Variants in ANAPC16 observed in about 807,000 individuals in gnomAD.
ANAPC16 encodes anaphase promoting complex subunit 16.
Under a neutral mutation model 13.1 loss-of-function variants are expected in ANAPC16, and 6 were observed. The observed-to-expected ratio is 0.46, with a 90% CI of 0.25 to 0.90. The LOEUF (loss-of-function observed/expected upper bound fraction) is 0.90, where lower values mean the gene tolerates loss of function less well. Ranked by LOEUF, ANAPC16 falls within the 40% of genes least tolerant of loss-of-function variation. ANAPC16 has a pLI of 0.18. For missense variants in ANAPC16, 113 were observed against 131.1 expected (o/e 0.86, Z 0.67); for synonymous variants, 55 against 51.3 (o/e 1.07, Z -0.31).
chr10:72,218,870 C>T (rs1400494292), intron 1 of ANAPC16, among the ~76,000 whole-genome samples: 1 of 152,078 alleles, frequency 6.6e-6, no homozygotes, highest in Non-Finnish European at 1.5e-5. Context: ...AGTTTTCAAC[C>T]CTGGCTGTTT....
Position 72,230,421 on chromosome 10 carries a change from G to A in ANAPC16, c.198G>A (p.Thr66=), listed in dbSNP as rs772606159. Residue 66 remains threonine, a synonymous_variant, in exon 3 of 4, where the codon ACG becomes ACA. Transcript: ENST00000299381. ...TTTTTAGCTATCAAGTGGCATCCACGCTTAAACAGGTGAAACATGGTAAGC... is the reference window on the plus strand; with the variant it reads ...TTTTTAGCTATCAAGTGGCATCCACACTTAAACAGGTGAAACATGGTAAGC... The part of the protein sequence containing the change: ...ESVFSYQVAS[T]LKQVKHDQQV... 8.7e-6 allele frequency: 14 copies of A among 1,613,836 alleles called. No homozygotes were observed. The highest frequency in any genetic ancestry group is 2.2e-5 in the South Asian group (2 of 91,094).
chr10:72,224,694 C>T (rs1046469326), intron 2 of ANAPC16, among the ~76,000 whole-genome samples: 3 of 151,420 alleles, frequency 2.0e-5, no homozygotes, highest in Non-Finnish European at 4.4e-5. Flanking sequence ...ATCCTGGCAC[C>T]TGTCTACCTC....
At chr10:72,219,265 C>T (rs1384830384) in intron 1 of ANAPC16, among the ~76,000 whole-genome samples, 2 of 152,120 alleles carry the variant, frequency 1.3e-5, no homozygotes, top group Non-Finnish European at 2.9e-5. Context: ...GGACCTGGTC[C>T]CTTACTGCTT....
rs927576818 is a variant in ANAPC16 at position 72,233,828 on chromosome 10, A to T, written c.*712A>T. Reference sequence around the variant, plus strand: ...AAATAAATCCTTTGAAAGAGCTCCAAATTGGTGGCATTATCCTTTCAAAAT... The same window carrying T: ...AAATAAATCCTTTGAAAGAGCTCCATATTGGTGGCATTATCCTTTCAAAAT... On this transcript the variant is annotated 3_prime_UTR_variant, in exon 4 of 4. Transcript: ENST00000299381. 1 of 152,592 alleles carries T rather than the reference A, an allele frequency of 6.6e-6. No individual in the cohort carries two copies. The highest frequency in any genetic ancestry group is 2.4e-5 in the African/African-American group (1 of 41,430). 9.5% of individuals were successfully genotyped at this position (152,592 alleles called of 1,614,324 possible). A position where few individuals can be genotyped will look rare whatever the true frequency, so the allele number is the denominator to read the frequency against.
chr10:72,229,400 G>A (rs975636845), intron 2 of ANAPC16, among the ~76,000 whole-genome samples: 1 of 151,554 alleles, frequency 6.6e-6, no homozygotes, highest in Non-Finnish European at 1.5e-5. Flanking sequence ...GCCAGAATGT[G>A]TTAGTCCTGT....
intron 1 of ANAPC16, 108 bp downstream of exon 1, chr10:72,216,246 C>G (rs1859284327): frequency 6.4e-6 from 1 of 157,348 alleles, no homozygotes; most frequent in African/African-American, 2.4e-5. Context: ...GGAGGAGAAA[C>G]AGGAGACTGC....
chr10:72,232,361 A>G (rs1346032092), intron 3 of ANAPC16, among the ~76,000 whole-genome samples: 1 of 151,730 alleles, frequency 6.6e-6, no homozygotes, highest in Non-Finnish European at 1.5e-5. Context: ...CCTGGCCAAC[A>G]TGGTGAAACC....
chr10:72,227,456 A>G (rs1339184565), intron 2 of ANAPC16, among the ~76,000 whole-genome samples: 1 of 151,194 alleles, frequency 6.6e-6, no homozygotes, highest in Non-Finnish European at 1.5e-5. Context: ...AGTTTTACCA[A>G]TAATCTTAAA....
Position 72,232,994 on chromosome 10 carries a change from C to T in ANAPC16, c.218-7C>T. 6.2e-7 allele frequency: 1 copy of T among 1,612,822 alleles called. No homozygotes were observed. On this transcript the variant is annotated splice_region_variant and splice_polypyrimidine_tract_variant and intron_variant, in intron 3 of 3. Transcript: ENST00000299381. ...TTGCATAATATTCTTTCCTTGACTC[C>T]TTACAGATCAGCAAGTTGCTCGGAT...
intron 1 of ANAPC16, chr10:72,217,089 T>G (rs757035710): frequency 7.5e-5 from 34 of 453,910 alleles, no homozygotes; most frequent in South Asian, 4.3e-4. Context: ...GGAAGCACAG[T>G]GGAAACACTG....
chr10:72,216,453 C>A (rs73276916), intron 1 of ANAPC16: 5,668 of 78,360 alleles, frequency 0.072, 682 homozygotes, highest in African/African-American at 0.24. Flanking sequence ...GCCACTTTTT[C>A]TCCACGCCCA....
At chr10:72,229,373 G>A (rs1186053106) in intron 2 of ANAPC16, among the ~76,000 whole-genome samples, 2 of 150,134 alleles carry the variant, frequency 1.3e-5, no homozygotes, top group Admixed American at 6.7e-5. Flanking sequence ...TTTCCTTTGT[G>A]TGAAACTCAG....
chr10:72,218,159 AAAAAAAATATATATATATATATATATAT>A lies in ANAPC16; in HGVS notation c.-28+2023_-28+2050del, dbSNP rs1413351357. 2.2e-3 allele frequency among the ~76,000 whole-genome samples: 100 copies of A among 45,846 alleles called. 5 individuals carry two copies. The highest frequency in any genetic ancestry group is 6.7e-3 in the African/African-American group (70 of 10,464). 30.1% of individuals were successfully genotyped at this position (45,846 alleles called of 152,430 possible). Reference sequence around the variant, plus strand: ...AAACTCTGTCTCAAAAAAAAAAAAAAAAAAAAATATATATATATATATATATATATATATATATATATATATATATATA... The same window carrying A: ...AAACTCTGTCTCAAAAAAAAAAAAAAATATATATATATATATATATATATA... On this transcript the variant is annotated intron_variant, in intron 1 of 3. Coordinates refer to ENST00000299381, the MANE Select transcript of ANAPC16 (RefSeq NM_173473.4).
chr10:72,218,679 C>A (rs965928176), intron 1 of ANAPC16, among the ~76,000 whole-genome samples: 1 of 152,174 alleles, frequency 6.6e-6, no homozygotes, highest in African/African-American at 2.4e-5. Flanking sequence ...TCAGTTAATT[C>A]CTGCCCTGAG....
chr10:72,221,779 G>C (rs1859945327), intron 1 of ANAPC16, among the ~76,000 whole-genome samples: 1 of 147,892 alleles, frequency 6.8e-6, no homozygotes, highest in African/African-American at 2.5e-5. Flanking sequence ...GCCCAGGCTG[G>C]AGTGCAATGG....
chr10:72,220,737 A>T (rs1859897998), intron 1 of ANAPC16: 1 of 150,292 alleles, frequency 6.7e-6, no homozygotes, highest in South Asian at 2.1e-4. Flanking sequence ...AAAAAACCCG[A>T]AAGAAAAATA....
chr10:72,222,803 A>G (rs1307860828), intron 1 of ANAPC16, among the ~76,000 whole-genome samples: 1 of 152,228 alleles, frequency 6.6e-6, no homozygotes, highest in Non-Finnish European at 1.5e-5. Context: ...GAAAGAAAGA[A>G]AATACCATAT....
rs1423541048 is a variant in ANAPC16, at chr10:72,233,970, A to G, written c.*854A>G. 6.6e-6 allele frequency: 1 copy of G among 152,098 alleles called. No individual in the cohort carries two copies. Among genetic ancestry groups the G allele is most frequent in the African/African-American group, 2.4e-5 (1 of 41,402 alleles). 9.4% of individuals were successfully genotyped at this position (152,098 alleles called of 1,614,324 possible). A position where few individuals can be genotyped will look rare whatever the true frequency, so the allele number is the denominator to read the frequency against. ...CTTTACTTAAGGGATATTTGTCTTT[A>G]TAGGAGTACATAAATTTATCTTAAT... On this transcript the variant is annotated 3_prime_UTR_variant, in exon 4 of 4. Transcript: ENST00000299381.
intron 3 of ANAPC16, among the ~76,000 whole-genome samples, chr10:72,232,086 T>A (rs1001991121): frequency 2.0e-5 from 3 of 146,758 alleles, no homozygotes; most frequent in Non-Finnish European, 4.4e-5. Context: ...CTCGGGAGGC[T>A]GAGGCAGCAG....
Sources: allele counts gnomAD v4.1 joint callset (sites outside exome capture counted in the v4.1 genomes callset), GRCh38; gene constraint gnomAD v4.1.1; transcripts MANE v1.5; gene names NCBI Gene and HGNC (gene_info 2026-07-23, HGNC 2026-07-21).